GIGYF2: variants seen among roughly 807,000 people sequenced by gnomAD.
GIGYF2 encodes the protein GRB10 interacting GYF protein 2, also known as GRB10-interacting GYF protein 2.
Under a neutral mutation model 208.1 loss-of-function variants are expected in GIGYF2, and 25 were observed. The ratio of observed to expected loss-of-function variants is 0.12; its 90% confidence interval spans 0.09 to 0.17. GIGYF2 has a LOEUF of 0.17. Ranked by LOEUF, GIGYF2 falls within the 10% of genes least tolerant of loss-of-function variation. The pLI, the probability that GIGYF2 is intolerant of heterozygous loss-of-function variation, is 1.00. For missense variants in GIGYF2, 1,302 were observed against 1,579.4 expected (o/e 0.82, Z 2.98); for synonymous variants, 534 against 543.8 (o/e 0.98, Z 0.25).
chr2:232,833,163 C>T, intron 22 of GIGYF2, 70 bp downstream of exon 22: 2 of 899,050 alleles, frequency 2.2e-6, no homozygotes, highest in Non-Finnish European at 3.6e-6. Flanking sequence ...GCTGGCTGTA[C>T]CAGTAGCAGT....
intron 2 of GIGYF2, among the ~76,000 whole-genome samples, chr2:232,710,568 A>G (rs1418439671): frequency 3.9e-5 from 6 of 152,302 alleles, no homozygotes; most frequent in Non-Finnish European, 7.3e-5. Flanking sequence ...CCAGTGAGAG[A>G]GGCAGTCAAA....
At chr2:232,836,327 T>TATAA (rs1701623379) in intron 22 of GIGYF2, among the ~76,000 whole-genome samples, 1 of 18,284 alleles carries the variant, frequency 5.5e-5, no homozygotes, top group African/African-American at 2.1e-4. Context: ...TATATATATA[T>TATAA]ATACATATAT....
chr2:232,727,243 A>G lies in GIGYF2; in HGVS notation c.-43-7912A>G, dbSNP rs1697242493. Among the ~76,000 whole-genome samples, 3 of 152,214 alleles carry G rather than the reference A, an allele frequency of 2.0e-5. No individual in the cohort carries two copies. The South Asian group carries it at 6.2e-4, about 31-fold the overall frequency. ...TGGCCTCCCAAAGTTCTGGGATTAC[A>G]ACATGAGCCACTGTGCCCGGCCCAT... is the stretch of plus-strand genomic sequence containing the variant. On this transcript the variant is annotated intron_variant, in intron 2 of 28. Coordinates refer to ENST00000373563, the MANE Select transcript of GIGYF2 (RefSeq NM_001103146.3).
chr2:232,759,226 T>C (rs575196893), intron 6 of GIGYF2, among the ~76,000 whole-genome samples: 1 of 152,178 alleles, frequency 6.6e-6, no homozygotes, highest in Middle Eastern at 3.2e-3. Context: ...TTAGCTCAAT[T>C]ATATTTAGCT....
chr2:232,812,791 A>G (rs893213456), intron 18 of GIGYF2, among the ~76,000 whole-genome samples: 1 of 152,096 alleles, frequency 6.6e-6, no homozygotes. Context: ...CCAGATCGGG[A>G]AAAAAAGCAT....
rs754759232 is a variant in GIGYF2 at position 232,819,930 on chromosome 2, AGAG to A, written c.2478_2480del (p.Arg828del). 1.1e-5 allele frequency: 17 copies of A among 1,582,118 alleles called. No individual in the cohort carries two copies. The highest frequency in any genetic ancestry group is 2.2e-5 in the East Asian group (1 of 44,724). ...GAAGAAGCTCTTAGAAGACTGGAAGAGAGGAGAAGAGAAGAGGAAGAAAGGCGG... is the reference window on the plus strand; with the variant it reads ...GAAGAAGCTCTTAGAAGACTGGAAGAGAGAAGAGAAGAGGAAGAAAGGCGG... On this transcript the variant is annotated inframe_deletion, in exon 21 of 29. Transcript: ENST00000373563.
chr2:232,697,650 C>G (rs1043410936), intron 1 of GIGYF2, among the ~76,000 whole-genome samples: 2 of 152,222 alleles, frequency 1.3e-5, no homozygotes, highest in Non-Finnish European at 2.9e-5. Flanking sequence ...GTCACGGCCG[C>G]GAGGAGCCGA....
chr2:232,818,534 C>T (rs62193307), intron 20 of GIGYF2, among the ~76,000 whole-genome samples: 3,175 of 152,254 alleles, frequency 0.021, 52 homozygotes, highest in Non-Finnish European at 0.031. Context: ...AAGAGACTGT[C>T]GTTTCCCCCA....
intron 20 of GIGYF2, 32 bp from the exon 21 acceptor site, chr2:232,819,788 TCCCTCCC>T: frequency 2.7e-6 from 1 of 365,664 alleles, no homozygotes; most frequent in Non-Finnish European, 5.3e-6. Flanking sequence ...TAGACCTGAG[TCCCTCCC>T]CCACCCCCCA....
intron 2 of GIGYF2, 126 bp from the exon 3 acceptor site, chr2:232,735,029 A>C (rs1697675476): frequency 1.6e-6 from 1 of 619,738 alleles, no homozygotes; most frequent in Non-Finnish European, 2.9e-6. Flanking sequence ...TAGGAATTTC[A>C]AAATCTCATT....
At chr2:232,770,808 A>C in intron 8 of GIGYF2, 1 of 809,964 alleles carries the variant, frequency 1.2e-6, no homozygotes, top group African/African-American at 1.7e-5. Context: ...CTGTAACAGC[A>C]TTACTTATAA....
At chr2:232,834,864 A>G (rs972366631) in intron 22 of GIGYF2, among the ~76,000 whole-genome samples, 1 of 151,806 alleles carries the variant, frequency 6.6e-6, no homozygotes, top group Non-Finnish European at 1.5e-5. Flanking sequence ...TTTTATATAT[A>G]TTTAGGGCAT....
intron 22 of GIGYF2, among the ~76,000 whole-genome samples, chr2:232,834,214 A>G (rs1174525083): frequency 6.6e-6 from 1 of 152,156 alleles, no homozygotes; most frequent in Non-Finnish European, 1.5e-5. Flanking sequence ...AGTAGCTCAC[A>G]GGTTAGACAC....
At chr2:232,734,621 G>A (rs1223885591) in intron 2 of GIGYF2, 1 of 154,200 alleles carries the variant, frequency 6.5e-6, no homozygotes, top group Non-Finnish European at 1.4e-5. Context: ...GAGCAACATA[G>A]TGATACACAC....
At chr2:232,697,838 G>A (rs1343401888) in intron 1 of GIGYF2, among the ~76,000 whole-genome samples, 1 of 152,238 alleles carries the variant, frequency 6.6e-6, no homozygotes, top group Non-Finnish European at 1.5e-5. Flanking sequence ...AGCTGCTGCG[G>A]CCAGACAGCT....
intron 22 of GIGYF2, among the ~76,000 whole-genome samples, chr2:232,834,629 A>G (rs1701523967): frequency 6.6e-6 from 1 of 152,038 alleles, no homozygotes. Flanking sequence ...CTTCAATTGT[A>G]TGTTCTGTTC....
At position 232,779,669 on chromosome 2, in the gene GIGYF2, T is replaced by C. The variant is rs149731775; in HGVS notation, c.533-7481T>C. On this transcript the variant is annotated intron_variant, in intron 8 of 28. Coordinates refer to ENST00000373563, the MANE Select transcript of GIGYF2 (RefSeq NM_001103146.3). ...ACAGCTGAGCATGAGGGCTGTAGGG[T>C]TGTGGTACATATTCAGATGGCCTGA... 2.4e-4 allele frequency among the ~76,000 whole-genome samples: 36 copies of C among 152,270 alleles called. No individual in the cohort carries two copies. In the East Asian group the frequency reaches 6.5e-3, roughly 28 times the overall value.
rs3062047 is a variant in GIGYF2, at chr2:232,781,287, TACAC to T, written c.533-5831_533-5828del. On this transcript the variant is annotated intron_variant, in intron 8 of 28. Transcript: ENST00000373563. ...TATTTATTTTAAATTATATCAGGAA[TACAC>T]ACACACACACACACACACACACACA... is the stretch of plus-strand genomic sequence containing the variant. 6.3e-3 allele frequency among the ~76,000 whole-genome samples: 804 copies of T among 127,068 alleles called. 4 individuals are homozygous for T. Among genetic ancestry groups the T allele is most frequent in the Non-Finnish European group, 7.6e-3 (477 of 63,114 alleles). The allele number at this position is 127,068 out of a possible 152,430, so 83.4% of individuals were successfully genotyped here.
chr2:232,748,425 G>C (rs1023095386), intron 4 of GIGYF2, among the ~76,000 whole-genome samples: 1 of 152,136 alleles, frequency 6.6e-6, no homozygotes, highest in Non-Finnish European at 1.5e-5. Context: ...TGGGATTATA[G>C]ATATGCGTTC....
Sources: gnomAD v4.1 joint callset for allele counts (sites outside exome capture counted in the v4.1 genomes callset) on GRCh38, gnomAD v4.1.1 for gene constraint, MANE v1.5 for transcripts, NCBI Gene and HGNC (gene_info 2026-07-23, HGNC 2026-07-21) for gene names.